GIN1: variants seen among roughly 807,000 people sequenced by gnomAD.
GIN1 encodes gypsy retrotransposon integrase-like protein 1.
In GIN1, 41 loss-of-function variants were observed where a neutral mutation model predicts 51.4. That is an observed-to-expected ratio of 0.80 (90% CI 0.62 to 1.04). The LOEUF is 1.04. GIN1 is among the 50% of genes least tolerant of loss of function. The probability of loss-of-function intolerance (pLI) is 0.00; values close to 1 mark genes in which losing one functional copy is unlikely to be tolerated. For missense variants in GIN1, 610 were observed against 612.4 expected, an observed-to-expected ratio of 1.00 and a Z score of 0.04; for synonymous variants, 222 against 206.5, an observed-to-expected ratio of 1.07 and a Z score of -0.64.
chr5:103,107,044 ATATT>A lies in GIN1; in HGVS notation c.140-139_140-136del, dbSNP rs1787747032. The A allele has an allele frequency of 5.0e-5, 28 of 564,950 alleles. No individual in the cohort carries two copies. In the South Asian group the frequency reaches 6.4e-4, roughly 13 times the overall value. The allele number at this position is 564,950 out of a possible 1,614,324, so 35.0% of individuals were successfully genotyped here. A position where few individuals can be genotyped will look rare whatever the true frequency, so the allele number is the denominator to read the frequency against. ...AAAATCTTACTGCATTTAAAACAGAATATTTATTTTTAATGATGCTACAACACAA... is the reference window on the plus strand; with the variant it reads ...AAAATCTTACTGCATTTAAAACAGAATATTTTTAATGATGCTACAACACAA... On this transcript the variant is annotated intron_variant, in intron 2 of 7. Coordinates refer to ENST00000399004, the MANE Select transcript of GIN1 (RefSeq NM_017676.2).
rs781854688 is a variant in GIN1 at position 103,097,450 on chromosome 5, C to T, written c.872G>A (p.Arg291Gln). Residue 291 changes from arginine to glutamine, a missense_variant, in exon 6 of 8, where the codon CGA becomes CAA. Arg to Gln is a conservative substitution (Grantham distance 43). Coordinates refer to ENST00000399004, the MANE Select transcript of GIN1 (RefSeq NM_017676.2). ...TGAAGTCTCAGGCATATAAGGATTTCGACTAAACATTTGAAAATATGGTGT... is the reference window on the plus strand; with the variant it reads ...TGAAGTCTCAGGCATATAAGGATTTTGACTAAACATTTGAAAATATGGTGT... ...KNTPYFQMFS[R>Q]NPYMPETSDS... is the part of the protein sequence containing the mutation. 1.0e-5 allele frequency: 16 copies of T among 1,574,944 alleles called. No individual in the cohort carries two copies. The highest frequency in any genetic ancestry group is 2.7e-5 in the African/African-American group (2 of 73,828).
At chr5:103,116,272 T>C (rs574984869) in intron 1 of GIN1, among the ~76,000 whole-genome samples, 1 of 152,128 alleles carries the variant, frequency 6.6e-6, no homozygotes, top group Non-Finnish European at 1.5e-5. Flanking sequence ...TGTGTTATAA[T>C]GGCAAAATGA....
At chr5:103,117,671 A>G (rs565589213) in intron 1 of GIN1, among the ~76,000 whole-genome samples, 1 of 152,240 alleles carries the variant, frequency 6.6e-6, no homozygotes, top group Admixed American at 6.5e-5. Context: ...AGCATTTCTC[A>G]GAATTTATTC....
rs1185704104 is a variant in GIN1, at chr5:103,097,476, AT to A, written c.845del (p.Asn282IlefsTer36). On this transcript the variant is annotated frameshift_variant, in exon 6 of 8. Coordinates refer to ENST00000399004, the MANE Select transcript of GIN1 (RefSeq NM_017676.2). LOFTEE classifies it high-confidence loss of function. ...FNVTHLEPTK[N>X]TPYFQMFSRN... is the part of the protein sequence containing the mutation. The stretch of plus-strand genomic sequence containing the variant: ...GACTAAACATTTGAAAATATGGTGT[AT>A]TTTTAGTAGGTTCCTATTTTAAAGA... 1 of 1,550,230 alleles carries A rather than the reference AT, an allele frequency of 6.5e-7. No individual in the cohort carries two copies. The highest frequency in any genetic ancestry group is 8.8e-7 in the Non-Finnish European group (1 of 1,131,680).
At position 103,110,311 on chromosome 5, in the gene GIN1, G is replaced by A. The variant is rs190004276; in HGVS notation, c.-7-1597C>T. ...TTAAGAAAGTGAAAACATAGGACACGCATTGGGAGAAGATATCTGTAATAC... is the reference window on the plus strand; with the variant it reads ...TTAAGAAAGTGAAAACATAGGACACACATTGGGAGAAGATATCTGTAATAC... On this transcript the variant is annotated intron_variant, in intron 1 of 7. Transcript: ENST00000399004. 1.3e-4 allele frequency among the ~76,000 whole-genome samples: 20 copies of A among 152,084 alleles called. No homozygotes were observed. In the East Asian group the frequency reaches 2.1e-3, roughly 16 times the overall value.
chr5:103,099,108 T>G (rs1787493190), intron 4 of GIN1, among the ~76,000 whole-genome samples: 3 of 151,986 alleles, frequency 2.0e-5, no homozygotes, highest in Admixed American at 6.6e-5. Flanking sequence ...ATAGGCAAAG[T>G]TAATACAAGA....
chr5:103,098,494 G>A (rs1167443180), intron 4 of GIN1, among the ~76,000 whole-genome samples: 1 of 152,032 alleles, frequency 6.6e-6, no homozygotes, highest in Non-Finnish European at 1.5e-5. Flanking sequence ...TTGGTGGGGG[G>A]CGGTGGGAGA....
At chr5:103,107,777 A>G (rs1562333824) in intron 2 of GIN1, among the ~76,000 whole-genome samples, 1 of 152,250 alleles carries the variant, frequency 6.6e-6, no homozygotes, top group East Asian at 1.9e-4. Context: ...CTTTAGTTTA[A>G]GAGGTAATAG....
At chr5:103,090,258 C>T (rs1787199894) in intron 7 of GIN1, among the ~76,000 whole-genome samples, 1 of 152,220 alleles carries the variant, frequency 6.6e-6, no homozygotes, top group South Asian at 2.1e-4. Flanking sequence ...CATTGCACTC[C>T]AGCCTAGGTG....
Position 103,092,295 on chromosome 5 carries a change from G to C in GIN1, c.1295-4123C>G, listed in dbSNP as rs191574006. On this transcript the variant is annotated intron_variant, in intron 7 of 7. Coordinates refer to ENST00000399004, the MANE Select transcript of GIN1 (RefSeq NM_017676.2). Reference sequence around the variant, plus strand: ...GCTGGGATTACAGGCATAAGCCACTGTGCCCAGCCTTAATGTTGTTTTAAG... The same window carrying C: ...GCTGGGATTACAGGCATAAGCCACTCTGCCCAGCCTTAATGTTGTTTTAAG... Among the ~76,000 whole-genome samples the C allele has an allele frequency of 9.9e-5, 15 of 152,144 alleles. 1 individual carries two copies. The highest frequency in any genetic ancestry group is 3.6e-4 in the African/African-American group (15 of 41,528).
chr5:103,111,753 G>GT (rs1265245505), intron 1 of GIN1, among the ~76,000 whole-genome samples: 1 of 152,064 alleles, frequency 6.6e-6, no homozygotes, highest in East Asian at 1.9e-4. Context: ...AGTAGCTTCC[G>GT]TATTTTGCTT....
chr5:103,089,997 T>C (rs985261592), intron 7 of GIN1, among the ~76,000 whole-genome samples: 5 of 151,892 alleles, frequency 3.3e-5, no homozygotes, highest in Non-Finnish European at 2.9e-5. Context: ...TAAAATAAAA[T>C]AAAAATCATG....
intron 1 of GIN1, among the ~76,000 whole-genome samples, chr5:103,111,564 AC>A (rs1453866227): frequency 6.6e-6 from 1 of 152,234 alleles, no homozygotes; most frequent in East Asian, 1.9e-4. Flanking sequence ...CTCCTGAAGG[AC>A]CTTAAAAAGA....
At position 103,087,967 on chromosome 5, in the gene GIN1, A is replaced by G. The variant is rs1554194094; in HGVS notation, c.1500T>C (p.His500=). The part of the protein sequence containing the change: ...NTKISPLIDD[H]SSLEKQTFSL... ...TGAAAGTCTGCTTTTCAAGAGAACTATGATCGTCTATCAATGGAGAGATTT... is the reference window on the plus strand; with the variant it reads ...TGAAAGTCTGCTTTTCAAGAGAACTGTGATCGTCTATCAATGGAGAGATTT... Residue 500 remains histidine (H), a synonymous_variant, in exon 8 of 8, where the codon CAT becomes CAC. Transcript: ENST00000399004. 1.2e-5 allele frequency: 19 copies of G among 1,597,112 alleles called. No homozygotes were observed. The highest frequency in any genetic ancestry group is 1.5e-5 in the Non-Finnish European group (18 of 1,165,582).
intron 4 of GIN1, among the ~76,000 whole-genome samples, chr5:103,098,089 G>A (rs1787459623): frequency 6.6e-6 from 1 of 152,080 alleles, no homozygotes; most frequent in South Asian, 2.1e-4. Flanking sequence ...CACCATATTG[G>A]CCAGGCTAGT....
chr5:103,104,402 T>C, intron 4 of GIN1, 139 bp downstream of exon 4: 1 of 564,980 alleles, frequency 1.8e-6, no homozygotes, highest in Non-Finnish European at 3.1e-6. Flanking sequence ...CCTTGTAGTA[T>C]TTAATATCAT....
intron 2 of GIN1, among the ~76,000 whole-genome samples, chr5:103,107,384 A>AGAT (rs1321347737): frequency 3.9e-5 from 6 of 152,144 alleles, no homozygotes; most frequent in Non-Finnish European, 8.8e-5. Flanking sequence ...ATATTTGAGA[A>AGAT]GGTAGGGATG....
At chr5:103,089,430 CTTAT>C (rs1471604598) in intron 7 of GIN1, among the ~76,000 whole-genome samples, 1 of 150,884 alleles carries the variant, frequency 6.6e-6, no homozygotes, top group African/African-American at 2.5e-5. Context: ...TCTTTATTTA[CTTAT>C]TTTTCATTCA....
intron 1 of GIN1, among the ~76,000 whole-genome samples, chr5:103,113,690 T>C (rs1246407981): frequency 6.6e-6 from 1 of 151,882 alleles, no homozygotes; most frequent in African/African-American, 2.4e-5. Context: ...CCCAGCTAAT[T>C]TTTATATTTT....
Sources: gnomAD v4.1 joint callset for allele counts (sites outside exome capture counted in the v4.1 genomes callset) on GRCh38, gnomAD v4.1.1 for gene constraint, MANE v1.5 for transcripts, NCBI Gene and HGNC (gene_info 2026-07-23, HGNC 2026-07-21) for gene names.